The following RPIA variants were observed in gnomAD, a reference collection of about 807,000 sequenced individuals.
RPIA encodes ribose-5-phosphate isomerase.
RPIA carries 29 observed loss-of-function variants against 37.8 expected under a neutral mutation model. That is an observed-to-expected ratio of 0.77 (90% CI 0.57 to 1.05). The LOEUF is 1.05. RPIA is among the 50% of genes least tolerant of loss of function. The probability of loss-of-function intolerance (pLI) is 0.00; values close to 1 mark genes in which losing one functional copy is unlikely to be tolerated. For synonymous variants in RPIA, 167 were observed against 157.0 expected, an observed-to-expected ratio of 1.06 and a Z score of -0.48; for missense variants, 385 against 413.6, an observed-to-expected ratio of 0.93 and a Z score of 0.60.
At chr2:88,727,455 A>ACT (rs59893169) in intron 3 of RPIA, among the ~76,000 whole-genome samples, 9,779 of 152,172 alleles carry the variant, frequency 0.064, 561 homozygotes, top group African/African-American at 0.15. Context: ...ATGTAGGTAA[A>ACT]CATGTCATGG....
intron 3 of RPIA, among the ~76,000 whole-genome samples, chr2:88,721,976 G>GA (rs1387657306): frequency 3.8e-5 from 5 of 133,102 alleles, no homozygotes; most frequent in Non-Finnish European, 8.2e-5. Context: ...ATCTATAAAA[G>GA]TTTTTTTTTT....
At chr2:88,715,994 TAAA>T (rs1673030809) in intron 3 of RPIA, among the ~76,000 whole-genome samples, 4 of 152,036 alleles carry the variant, frequency 2.6e-5, no homozygotes, top group Admixed American at 2.6e-4. Context: ...GCTACAAAAT[TAAA>T]AAGCTACATA....
chr2:88,709,203 A>T (rs940645164), intron 3 of RPIA, among the ~76,000 whole-genome samples: 3 of 152,236 alleles, frequency 2.0e-5, no homozygotes, highest in Non-Finnish European at 2.9e-5. Context: ...TTCTATCGCT[A>T]TGTAATTTGG....
intron 3 of RPIA, among the ~76,000 whole-genome samples, chr2:88,708,513 G>T (rs1230738152): frequency 1.3e-5 from 2 of 152,168 alleles, no homozygotes; most frequent in Non-Finnish European, 2.9e-5. Context: ...ACCGTAAAAA[G>T]AATCTTTTAT....
intron 8 of RPIA, among the ~76,000 whole-genome samples, chr2:88,742,584 A>T (rs559087530): frequency 6.6e-6 from 1 of 152,194 alleles, no homozygotes. Flanking sequence ...TCTGTGAAGA[A>T]TGATGGCGGT....
intron 4 of RPIA, among the ~76,000 whole-genome samples, chr2:88,734,050 T>C (rs1198729704): frequency 6.6e-6 from 1 of 152,006 alleles, no homozygotes; most frequent in Non-Finnish European, 1.5e-5. Flanking sequence ...AAATTGCCTG[T>C]GAGGTTGCTC....
At position 88,750,841 on chromosome 2, in the gene RPIA, G is replaced by C. The variant is rs1673497222; in HGVS notation, c.*763G>C. The C allele has an allele frequency of 2.5e-6, 1 of 397,824 alleles. No homozygotes were observed. The highest frequency in any genetic ancestry group is 4.4e-6 in the Non-Finnish European group (1 of 225,786). 24.6% of individuals were successfully genotyped at this position (397,824 alleles called of 1,614,324 possible). A position where few individuals can be genotyped will look rare whatever the true frequency, so the allele number is the denominator to read the frequency against. On this transcript the variant is annotated 3_prime_UTR_variant, in exon 9 of 9. Coordinates refer to ENST00000283646, the MANE Select transcript of RPIA (RefSeq NM_144563.3). ...CTTTTTGTTATTAATATTTTTCTCT[G>C]TTCCTTTGTTATTACTTGCATGGTT...
At chr2:88,692,070 C>T (rs1189932967) in intron 1 of RPIA, 87 bp downstream of exon 1, 3 of 1,480,704 alleles carry the variant, frequency 2.0e-6, no homozygotes, top group East Asian at 2.5e-5. Flanking sequence ...CCGGGGCGCG[C>T]CTAGCTCCTG....
intron 3 of RPIA, among the ~76,000 whole-genome samples, chr2:88,704,779 GTC>G (rs1672877963): frequency 6.6e-6 from 1 of 152,136 alleles, no homozygotes; most frequent in Non-Finnish European, 1.5e-5. Flanking sequence ...AAGTCAAACT[GTC>G]TCTGTTTGCA....
Position 88,745,215 on chromosome 2 carries a change from C to T in RPIA, c.839-4766C>T, listed in dbSNP as rs111511789. Among the ~76,000 whole-genome samples the T allele has an allele frequency of 3.7e-3, 558 of 152,246 alleles. 2 individuals carry two copies. Among genetic ancestry groups the T allele is most frequent in the African/African-American group, 0.013 (531 of 41,538 alleles). ...CCTCAGGTGATCTGCCTGCCTTGGC[C>T]GCCCACCAAGCCTGGCCCATTGTGT... On this transcript the variant is annotated intron_variant, in intron 8 of 8. Coordinates refer to ENST00000283646, the MANE Select transcript of RPIA (RefSeq NM_144563.3).
chr2:88,718,204 C>CT (rs757047464), intron 3 of RPIA, among the ~76,000 whole-genome samples: 3 of 152,218 alleles, frequency 2.0e-5, no homozygotes, highest in Non-Finnish European at 4.4e-5. Flanking sequence ...AGACTAGAAT[C>CT]TAACAACAGG....
chr2:88,708,127 T>C (rs976923694), intron 3 of RPIA, among the ~76,000 whole-genome samples: 1 of 152,230 alleles, frequency 6.6e-6, no homozygotes, highest in Admixed American at 6.5e-5. Context: ...ACAAAAGATA[T>C]ATGCAGAAGA....
intron 7 of RPIA, 75 bp downstream of exon 7, chr2:88,736,751 A>G (rs1213124488): frequency 2.6e-6 from 4 of 1,527,218 alleles, no homozygotes; most frequent in Non-Finnish European, 3.6e-6. Context: ...CTTCTGTTGC[A>G]GTTAGGTCAT....
chr2:88,706,197 T>C (rs1311766213), intron 3 of RPIA, among the ~76,000 whole-genome samples: 2 of 152,280 alleles, frequency 1.3e-5, no homozygotes, highest in Non-Finnish European at 1.5e-5. Flanking sequence ...AGCAATCCCA[T>C]TGCTGAGTAT....
At chr2:88,703,387 T>C (rs954770660) in intron 3 of RPIA, among the ~76,000 whole-genome samples, 8 of 152,232 alleles carry the variant, frequency 5.3e-5, no homozygotes, top group African/African-American at 1.9e-4. Flanking sequence ...TGCCTGGGCA[T>C]CCAGGTGTTT....
At chr2:88,741,413 G>C (rs916263208) in intron 8 of RPIA, among the ~76,000 whole-genome samples, 1 of 152,120 alleles carries the variant, frequency 6.6e-6, no homozygotes, top group Non-Finnish European at 1.5e-5. Flanking sequence ...TGGCTGAGTA[G>C]TATTCCATGG....
At chr2:88,736,772 A>C in intron 7 of RPIA, 96 bp downstream of exon 7, 1 of 1,410,898 alleles carries the variant, frequency 7.1e-7, no homozygotes, top group East Asian at 2.3e-5. Flanking sequence ...GTGTGCTTCC[A>C]CCAGGCAATT....
At chr2:88,733,546 T>C (rs1673277963) in intron 4 of RPIA, among the ~76,000 whole-genome samples, 1 of 152,158 alleles carries the variant, frequency 6.6e-6, no homozygotes, top group African/African-American at 2.4e-5. Flanking sequence ...CCACTTTCCA[T>C]ACCCCTGAGA....
Position 88,748,129 on chromosome 2 carries a change from C to T in RPIA, c.839-1852C>T, listed in dbSNP as rs560327319. On this transcript the variant is annotated intron_variant, in intron 8 of 8. Transcript: ENST00000283646. ...CCTATCTGGAGGCAGCCAGTGTTAC[C>T]AAAATTGTGTGGCCTTTGAGATAGA... 5.9e-5 allele frequency among the ~76,000 whole-genome samples: 9 copies of T among 152,282 alleles called. No homozygotes were observed. The South Asian group carries it at 1.7e-3, about 28-fold the overall frequency.
Sources: allele counts gnomAD v4.1 joint callset (sites outside exome capture counted in the v4.1 genomes callset), GRCh38; gene constraint gnomAD v4.1.1; transcripts MANE v1.5; gene names NCBI Gene and HGNC (gene_info 2026-07-23, HGNC 2026-07-21).